Variants in DMD observed in about 807,000 individuals in gnomAD.
The protein encoded by DMD is dystrophin.
Under a neutral mutation model 330.1 loss-of-function variants are expected in DMD, and 63 were observed. That is an observed-to-expected ratio of 0.19 (90% CI 0.16 to 0.24). The LOEUF (loss-of-function observed/expected upper bound fraction) is 0.24, where lower values mean the gene tolerates loss of function less well. Ranked by LOEUF, DMD falls within the 10% of genes least tolerant of loss-of-function variation. The probability of loss-of-function intolerance (pLI) is 1.00; values close to 1 mark genes in which losing one functional copy is unlikely to be tolerated. For synonymous variants in DMD, 1,223 were observed against 959.8 expected, an observed-to-expected ratio of 1.27 and a Z score of -5.07; for missense variants, 3,344 against 2,684.1, an observed-to-expected ratio of 1.25 and a Z score of -5.43.
At chrX:32,838,007 A>G (rs1471719748) in intron 4 of DMD, among the ~76,000 whole-genome samples, 1 of 112,175 alleles carries the variant, frequency 8.9e-6, no homozygotes, top group Non-Finnish European at 1.9e-5. Flanking sequence ...GTGTTGAGAT[A>G]CAGAAAATCA....
chrX:32,790,288 G>C (rs1317979060), intron 7 of DMD, among the ~76,000 whole-genome samples: 1 of 112,056 alleles, frequency 8.9e-6, no homozygotes, highest in Admixed American at 9.5e-5. Flanking sequence ...GATTGGCTAG[G>C]AGTCTGGAGA....
intron 1 of DMD, among the ~76,000 whole-genome samples, chrX:33,168,564 A>G (rs1368392340): frequency 9.0e-6 from 1 of 110,798 alleles, no homozygotes; most frequent in Non-Finnish European, 1.9e-5. Flanking sequence ...AATTAAACAT[A>G]TTAAAGAGAT....
In DMD at chrX:32,026,017, G is replaced by A. The variant is rs151106774; in HGVS notation, c.6439-57503C>T. ...GTGTATAATTTCTGTAGAAGTAGTC[G>A]AGCTAGTCTAAAGCAAAATGTCACA... On this transcript the variant is annotated intron_variant, in intron 44 of 78. Coordinates refer to ENST00000357033, the MANE Select transcript of DMD (RefSeq NM_004006.3). Among the ~76,000 whole-genome samples the A allele has an allele frequency of 6.2e-4, 69 of 111,861 alleles. No homozygotes were observed. The East Asian group carries it at 0.014, about 23-fold the overall frequency.
chrX:33,060,071 G>A (rs1185409895), intron 1 of DMD, among the ~76,000 whole-genome samples: 4 of 111,414 alleles, frequency 3.6e-5, no homozygotes, highest in Non-Finnish European at 5.6e-5. Flanking sequence ...GCTGAATCAC[G>A]GTAAGGCAGG....
intron 2 of DMD, among the ~76,000 whole-genome samples, chrX:32,952,524 G>T (rs952249609): frequency 9.0e-6 from 1 of 110,881 alleles, no homozygotes; most frequent in Non-Finnish European, 1.9e-5. Context: ...ATAACACGTC[G>T]ATTCTAAAAA....
At chrX:31,909,061 C>G (rs771462622) in intron 47 of DMD, among the ~76,000 whole-genome samples, 3 of 112,416 alleles carry the variant, frequency 2.7e-5, no homozygotes, top group Non-Finnish European at 5.6e-5. Context: ...GTCAAAATTA[C>G]CATTCAGTTT....
chrX:31,546,079 C>A (rs1395477092), intron 55 of DMD, among the ~76,000 whole-genome samples: 16 of 111,930 alleles, frequency 1.4e-4, no homozygotes. Context: ...ATATTAGAAG[C>A]CCAAGCCCCG....
At chrX:31,388,273 G>A (rs888254184) in intron 60 of DMD, among the ~76,000 whole-genome samples, 52 of 110,541 alleles carry the variant, frequency 4.7e-4, no homozygotes, top group Non-Finnish European at 7.9e-4. Context: ...AAAGTGCTGA[G>A]ATTACAGGAG....
intron 16 of DMD, among the ~76,000 whole-genome samples, chrX:32,561,179 G>A (rs908402255): frequency 9.0e-6 from 1 of 111,477 alleles, no homozygotes; most frequent in African/African-American, 3.3e-5. Context: ...AGAGAAGTAG[G>A]CTTCAAAGGT....
intron 1 of DMD, among the ~76,000 whole-genome samples, chrX:33,036,511 C>T (rs1293119421): frequency 9.0e-6 from 1 of 110,700 alleles, no homozygotes; most frequent in Non-Finnish European, 1.9e-5. Context: ...CTTGCAATTA[C>T]TATCAATATA....
At chrX:32,284,890 T>A (rs1345620082) in intron 43 of DMD, among the ~76,000 whole-genome samples, 1 of 111,944 alleles carries the variant, frequency 8.9e-6, no homozygotes. Context: ...AGGGTGGATC[T>A]ATTGGGGCTA....
intron 37 of DMD, among the ~76,000 whole-genome samples, chrX:32,358,766 T>A (rs1329129647): frequency 9.0e-6 from 1 of 111,345 alleles, no homozygotes; most frequent in Admixed American, 9.6e-5. Context: ...AGCAATTCTT[T>A]CATTTTTTTC....
At chrX:32,176,965 T>C (rs1005823774) in intron 44 of DMD, among the ~76,000 whole-genome samples, 8 of 111,575 alleles carry the variant, frequency 7.2e-5, no homozygotes, top group African/African-American at 2.0e-4. Flanking sequence ...CACTTATTAT[T>C]TTCCCATTTC....
intron 1 of DMD, chrX:33,041,471 A>T: frequency 8.3e-7 from 1 of 1,204,387 alleles, no homozygotes; most frequent in Middle Eastern, 3.2e-4. Flanking sequence ...AAAGTGATGT[A>T]TGAAAAAGAG....
chrX:32,075,379 A>C (rs1001582045), intron 44 of DMD, among the ~76,000 whole-genome samples: 1 of 112,395 alleles, frequency 8.9e-6, no homozygotes, highest in African/African-American at 3.2e-5. Context: ...CACAATTAAC[A>C]TACAGGCACA....
At chrX:32,205,232 A>C (rs1267367750) in intron 44 of DMD, among the ~76,000 whole-genome samples, 2 of 100,311 alleles carry the variant, frequency 2.0e-5, no homozygotes, top group African/African-American at 3.7e-5. Flanking sequence ...AACCAAAACA[A>C]AACCAACAAT....
chrX:32,748,886 T>C (rs1429418470), intron 7 of DMD, among the ~76,000 whole-genome samples: 3 of 112,481 alleles, frequency 2.7e-5, no homozygotes, highest in African/African-American at 6.5e-5. Flanking sequence ...GATTAGCTAC[T>C]TTGCCTGAAG....
intron 44 of DMD, among the ~76,000 whole-genome samples, chrX:32,154,305 T>A: frequency 1.8e-5 from 2 of 112,388 alleles, no homozygotes; most frequent in South Asian, 7.3e-4. Flanking sequence ...CTATTTTTTC[T>A]AAACTCTTAC....
At chrX:32,204,961 A>T (rs2097057452) in intron 44 of DMD, among the ~76,000 whole-genome samples, 1 of 90,162 alleles carries the variant, frequency 1.1e-5, no homozygotes, top group Non-Finnish European at 2.2e-5. Context: ...TTCGGAGGTG[A>T]TAAACATCCA....
Sources: gnomAD v4.1 joint callset for allele counts (sites outside exome capture counted in the v4.1 genomes callset) on GRCh38, gnomAD v4.1.1 for gene constraint, MANE v1.5 for transcripts, NCBI Gene and HGNC (gene_info 2026-07-23, HGNC 2026-07-21) for gene names.